The following MAML3 variants were observed in gnomAD, a reference collection of about 807,000 sequenced individuals.
MAML3 encodes mastermind like transcriptional coactivator 3.
Under a neutral mutation model 101.9 loss-of-function variants are expected in MAML3, and 27 were observed. The ratio of observed to expected loss-of-function variants is 0.27; its 90% CI spans 0.20 to 0.37. MAML3 has a LOEUF of 0.37. Ranked by LOEUF, MAML3 falls within the 10% of genes least tolerant of loss-of-function variation. The pLI is 1.00. For missense variants in MAML3, 1,316 were observed against 1,444.9 expected, an observed-to-expected ratio of 0.91 and a Z score of 1.45; for synonymous variants, 501 against 555.9, an observed-to-expected ratio of 0.90 and a Z score of 1.39.
At chr4:139,765,183 T>C (rs1729834128) in intron 2 of MAML3, among the ~76,000 whole-genome samples, 5 of 152,000 alleles carry the variant, frequency 3.3e-5, no homozygotes, top group Admixed American at 1.3e-4. Flanking sequence ...CTCATCTGCC[T>C]TACATGTTAT....
In MAML3 at chr4:139,890,778, G is replaced by C. The variant is rs1371414953; in HGVS notation, c.658C>G (p.Gln220Glu). Residue 220 changes from glutamine (Q) to glutamate (E), a missense_variant, in exon 2 of 5, where the codon CAA (glutamine) becomes GAA (glutamate). Gln to Glu is a conservative substitution (Grantham distance 29). Transcript: ENST00000509479. The surrounding 1 kb of genome is among the most constrained non-coding windows in gnomAD (Gnocchi z 4.1). ...MPLPSASPLH[Q>E]LDLKPSLPLQ... is the part of the protein sequence containing the mutation. ...GGCAAAGAAGGTTTCAGGTCAAGTT[G>C]GTGAAGAGGAGAAGCTGAAGGCAGT... The C allele has an allele frequency of 6.2e-7, 1 of 1,614,020 alleles. No individual in the cohort carries two copies. The highest frequency in any genetic ancestry group is 8.5e-7 in the Non-Finnish European group (1 of 1,179,896).
chr4:139,724,464 AG>A (rs758939841), intron 4 of MAML3, among the ~76,000 whole-genome samples: 3 of 151,744 alleles, frequency 2.0e-5, no homozygotes, highest in Non-Finnish European at 4.4e-5. Flanking sequence ...ATGCTACCTT[AG>A]ATCAGAAAAT....
rs1411746366 is a variant in MAML3 at position 139,716,992 on chromosome 4, G to A, written c.*2331C>T. On this transcript the variant is annotated 3_prime_UTR_variant, in exon 5 of 5. Transcript: ENST00000509479. The stretch of plus-strand genomic sequence containing the variant: ...TGAAGTGCAATACCACTGCTGTGAT[G>A]ATGAGTTAAGGAATGAAATAAAAAT... 2 of 152,570 alleles carry A rather than the reference G, an allele frequency of 1.3e-5. No individual in the cohort carries two copies. Among genetic ancestry groups the A allele is most frequent in the African/African-American group, 2.4e-5 (1 of 41,440 alleles). The allele number at this position is 152,570 out of a possible 1,614,324, so 9.5% of individuals were successfully genotyped here. A position where few individuals can be genotyped will look rare whatever the true frequency, so the allele number is the denominator to read the frequency against.
At position 139,725,766 on chromosome 4, in the gene MAML3, C is replaced by T. The variant is rs537135528; in HGVS notation, c.2401G>A (p.Val801Ile). ...PQRNPYPVQQ[V>I]NQFQGSPQDI... ...CTGGCCTCACCTTGAAACTGATTGACCTGCTGCACTGGGTATGGATTCCGC... is the reference window on the plus strand; with the variant it reads ...CTGGCCTCACCTTGAAACTGATTGATCTGCTGCACTGGGTATGGATTCCGC... The change falls in exon 4 of 5, where the codon GTC (valine) becomes ATC (isoleucine). Residue 801 changes from valine to isoleucine, a missense_variant. Transcript: ENST00000509479. 1 of 1,613,814 alleles carries T rather than the reference C, an allele frequency of 6.2e-7. No individual in the cohort carries two copies. The highest frequency in any genetic ancestry group is 1.3e-5 in the African/African-American group (1 of 74,900).
At position 140,153,321 on chromosome 4, in the gene MAML3, C is replaced by T. The variant is rs1375372395; in HGVS notation, c.7G>A (p.Asp3Asn). ...GCGGCAGCAGCGGGGGCTGCGAAATCCCCCATCCTGCTCCCCGGGCACACT... is the reference window on the plus strand; with the variant it reads ...GCGGCAGCAGCGGGGGCTGCGAAATTCCCCATCCTGCTCCCCGGGCACACT... MG[D>N]FAAPAAAANG... The change falls in exon 1 of 5, where the codon GAT becomes AAT. Residue 3 changes from aspartate (D) to asparagine (N), a missense_variant. Physicochemically the swap from Asp to Asn is conservative, Grantham distance 23 (BLOSUM62 1). Transcript: ENST00000509479. 4 of 1,588,016 alleles carry T rather than the reference C, an allele frequency of 2.5e-6. No individual in the cohort carries two copies. Among genetic ancestry groups the T allele is most frequent in the Non-Finnish European group, 3.4e-6 (4 of 1,166,954 alleles).
chr4:140,153,124 G>T lies in MAML3; in HGVS notation c.204C>A (p.Pro68=). ...GCCGCTCCACCACGGTGCTGTGCTT[G>T]GGAACGGCCGCCGAACCGCCGCCGG... ...GGPGGGSAAV[P]KHSTVVERLR... Residue 68 remains proline (P), a synonymous_variant, in exon 1 of 5, where the codon CCC becomes CCA. Transcript: ENST00000509479. 1 of 1,550,622 alleles carries T rather than the reference G, an allele frequency of 6.4e-7. No homozygotes were observed. The highest frequency in any genetic ancestry group is 1.4e-5 in the African/African-American group (1 of 73,170).
intron 1 of MAML3, among the ~76,000 whole-genome samples, chr4:140,071,044 C>T (rs935662267): frequency 2.0e-5 from 3 of 152,182 alleles, no homozygotes; most frequent in African/African-American, 7.2e-5. Context: ...ATTTTTCTGC[C>T]CTGAACTCCA....
At position 139,725,851 on chromosome 4, in the gene MAML3, A is replaced by G. The variant is rs1728450997; in HGVS notation, c.2332-16T>C. On this transcript the variant is annotated splice_polypyrimidine_tract_variant and intron_variant, in intron 3 of 4. Transcript: ENST00000509479. ...GCTGCAACTGCTAGAACAACAGAAC[A>G]CAAGAGGGGTGGAGAGGTGAGATAG... The G allele has an allele frequency of 6.2e-7, 1 of 1,610,446 alleles. No individual in the cohort carries two copies. Among genetic ancestry groups the G allele is most frequent in the African/African-American group, 1.3e-5 (1 of 74,850 alleles).
intron 1 of MAML3, among the ~76,000 whole-genome samples, chr4:140,120,102 T>A (rs1728581422): frequency 1.3e-5 from 2 of 151,968 alleles, no homozygotes; most frequent in Non-Finnish European, 2.9e-5. Flanking sequence ...CCGGGCGTGG[T>A]GGCGGGCGCC....
At chr4:139,833,239 C>A (rs1731199955) in intron 2 of MAML3, among the ~76,000 whole-genome samples, 1 of 150,922 alleles carries the variant, frequency 6.6e-6, no homozygotes, top group African/African-American at 2.5e-5. Context: ...CAGAGAGGGG[C>A]TGGGGAAGAC....
intron 1 of MAML3, among the ~76,000 whole-genome samples, chr4:139,939,714 CA>C (rs1194213111): frequency 6.6e-6 from 1 of 151,020 alleles, no homozygotes; most frequent in African/African-American, 2.4e-5. Flanking sequence ...TGTCTCTGAA[CA>C]AGGCATAGTA....
chr4:139,896,440 G>T (rs1440002012), intron 1 of MAML3, among the ~76,000 whole-genome samples: 1 of 152,166 alleles, frequency 6.6e-6, no homozygotes, highest in Admixed American at 6.5e-5. Flanking sequence ...CTCCCATTAG[G>T]TGAAGCTGTG....
intron 2 of MAML3, among the ~76,000 whole-genome samples, chr4:139,865,675 C>T (rs1325689110): frequency 2.0e-5 from 3 of 152,172 alleles, no homozygotes; most frequent in Non-Finnish European, 4.4e-5. Context: ...CTTAATGACT[C>T]TGCCTTAATC....
intron 2 of MAML3, among the ~76,000 whole-genome samples, chr4:139,778,118 C>T (rs969637121): frequency 6.6e-5 from 10 of 152,096 alleles, no homozygotes; most frequent in South Asian, 2.1e-4. Flanking sequence ...GCAACTGACA[C>T]GCTGGGGTGA....
At chr4:139,803,302 G>A (rs1730641555) in intron 2 of MAML3, among the ~76,000 whole-genome samples, 1 of 152,160 alleles carries the variant, frequency 6.6e-6, no homozygotes, top group South Asian at 2.1e-4. Context: ...AGTGCTGCTG[G>A]ATAGAAGATT....
At chr4:139,807,102 G>A (rs1262487909) in intron 2 of MAML3, among the ~76,000 whole-genome samples, 2 of 152,142 alleles carry the variant, frequency 1.3e-5, no homozygotes, top group Non-Finnish European at 2.9e-5. Context: ...AACTAAATTA[G>A]CTGTGTCATC....
At chr4:139,975,918 G>A (rs1429788749) in intron 1 of MAML3, among the ~76,000 whole-genome samples, 1 of 152,066 alleles carries the variant, frequency 6.6e-6, no homozygotes, top group Non-Finnish European at 1.5e-5. Flanking sequence ...ATTCACCATG[G>A]GAATTAGGAG....
At chr4:139,928,751 C>T (rs1263507731) in intron 1 of MAML3, among the ~76,000 whole-genome samples, 1 of 152,078 alleles carries the variant, frequency 6.6e-6, no homozygotes, top group Non-Finnish European at 1.5e-5. Flanking sequence ...CTGCTGGCTG[C>T]AGTGGAATGT....
intron 2 of MAML3, among the ~76,000 whole-genome samples, chr4:139,854,876 C>G (rs1019983001): frequency 8.1e-5 from 10 of 123,308 alleles, no homozygotes; most frequent in Admixed American, 7.6e-4. Context: ...TGCTGATGGC[C>G]CCAGCCTGGT....
Sources: allele counts gnomAD v4.1 joint callset (sites outside exome capture counted in the v4.1 genomes callset), GRCh38; gene constraint gnomAD v4.1.1; non-coding constraint Gnocchi (gnomAD v3.1); transcripts MANE v1.5; gene names NCBI Gene and HGNC (gene_info 2026-07-23, HGNC 2026-07-21).